RBFOX1: variants seen among roughly 807,000 people sequenced by gnomAD.
RBFOX1 encodes RNA binding protein fox-1 homolog 1.
Under a neutral mutation model 57.7 loss-of-function variants are expected in RBFOX1, and 8 were observed. The observed-to-expected ratio is 0.14, with a 90% CI of 0.08 to 0.25. RBFOX1 has a LOEUF of 0.25. RBFOX1 is among the 10% of genes least tolerant of loss of function. RBFOX1 has a pLI of 1.00. For missense variants in RBFOX1, 611 were observed against 548.5 expected (o/e 1.11, Z -1.14); for synonymous variants, 326 against 222.4 (o/e 1.47, Z -4.15).
intron 4 of RBFOX1, among the ~76,000 whole-genome samples, chr16:5,952,810 C>T (rs1478372244): frequency 6.6e-6 from 1 of 152,114 alleles, no homozygotes; most frequent in Admixed American, 6.5e-5. Flanking sequence ...GACAAGGCCT[C>T]CCATACTGAC....
intron 3 of RBFOX1, among the ~76,000 whole-genome samples, chr16:6,893,396 C>T (rs1049921280): frequency 2.6e-5 from 4 of 152,202 alleles, no homozygotes; most frequent in Admixed American, 1.3e-4. Context: ...CTTTCTTTAT[C>T]CCTGTACCAT....
chr16:5,657,732 C>CTT (rs71386513), intron 3 of RBFOX1, among the ~76,000 whole-genome samples: 14,143 of 98,236 alleles, frequency 0.14, 2,639 homozygotes, highest in Non-Finnish European at 0.17. Context: ...TGTTTCTTTT[C>CTT]TTTTCTTTTT....
At chr16:7,194,269 G>C (rs934930861) in intron 4 of RBFOX1, among the ~76,000 whole-genome samples, 2 of 152,132 alleles carry the variant, frequency 1.3e-5, no homozygotes, top group Non-Finnish European at 2.9e-5. Context: ...TGATTGCACT[G>C]TATTTATTTT....
chr16:6,641,778 A>AAAAAAAAAAG lies in RBFOX1; in HGVS notation c.-63-12825_-63-12824insAAAAAAAAAG, dbSNP rs1568006199. 3.1e-4 allele frequency among the ~76,000 whole-genome samples: 10 copies of AAAAAAAAAAG among 31,784 alleles called. 1 individual carries two copies. The highest frequency in any genetic ancestry group is 4.8e-4 in the African/African-American group (4 of 8,358). 20.9% of individuals were successfully genotyped at this position (31,784 alleles called of 152,430 possible). On this transcript the variant is annotated intron_variant, in intron 2 of 15. Coordinates refer to ENST00000550418, the MANE Select transcript of RBFOX1 (RefSeq NM_018723.4). Reference sequence around the variant, plus strand: ...AAAAAAAAAAAAAAAAAAAAAAAAAATAGGTTCTGCCCTGAGCCTTTCAGG... The same window carrying AAAAAAAAAAG: ...AAAAAAAAAAAAAAAAAAAAAAAAAAAAAAAAAAAGTAGGTTCTGCCCTGAGCCTTTCAGG...
At chr16:5,846,247 G>A (rs751543533) in intron 3 of RBFOX1, among the ~76,000 whole-genome samples, 36 of 152,016 alleles carry the variant, frequency 2.4e-4, no homozygotes, top group Non-Finnish European at 3.2e-4. Context: ...GTGACTCATG[G>A]TGGAGGCCCA....
At chr16:6,307,443 A>T (rs2079649142) in intron 1 of RBFOX1, among the ~76,000 whole-genome samples, 1 of 151,750 alleles carries the variant, frequency 6.6e-6, no homozygotes, top group East Asian at 1.9e-4. Flanking sequence ...TGGATAAGAA[A>T]TAAATTATTT....
At chr16:7,687,640 T>G (rs1427868358) in intron 14 of RBFOX1, among the ~76,000 whole-genome samples, 2 of 152,214 alleles carry the variant, frequency 1.3e-5, no homozygotes, top group South Asian at 2.1e-4. Context: ...AAACTGATTA[T>G]TGTGACTTTC....
chr16:6,790,948 C>T (rs1283318625), intron 3 of RBFOX1, among the ~76,000 whole-genome samples: 1 of 151,856 alleles, frequency 6.6e-6, no homozygotes, highest in African/African-American at 2.4e-5. Flanking sequence ...CTGTGTCACC[C>T]AGGTTGGAGT....
intron 4 of RBFOX1, among the ~76,000 whole-genome samples, chr16:7,087,893 T>G (rs1377060080): frequency 6.6e-6 from 1 of 152,200 alleles, no homozygotes; most frequent in East Asian, 1.9e-4. Context: ...TCTCTCTTTC[T>G]CTTTCTCTCT....
intron 4 of RBFOX1, among the ~76,000 whole-genome samples, chr16:7,052,611 T>G (rs1265224435): frequency 1.3e-5 from 2 of 152,132 alleles, no homozygotes; most frequent in Non-Finnish European, 2.9e-5. Context: ...ATTTTAAACC[T>G]TATATTCTGT....
chr16:5,487,103 G>C (rs1031657063), intron 2 of RBFOX1, among the ~76,000 whole-genome samples: 1 of 151,644 alleles, frequency 6.6e-6, no homozygotes, highest in Non-Finnish European at 1.5e-5. Flanking sequence ...ATTTCCTCAG[G>C]CAAGCCCTCC....
intron 4 of RBFOX1, among the ~76,000 whole-genome samples, chr16:7,069,239 A>C (rs1039741175): frequency 2.0e-5 from 3 of 152,128 alleles, no homozygotes; most frequent in African/African-American, 7.2e-5. Context: ...CAGGATGTGC[A>C]GGTTTGTTAC....
intron 4 of RBFOX1, among the ~76,000 whole-genome samples, chr16:7,327,505 C>G (rs2096626592): frequency 1.3e-5 from 2 of 152,128 alleles, no homozygotes; most frequent in African/African-American, 2.4e-5. Flanking sequence ...TAAACATTGT[C>G]AATATCCAAA....
chr16:6,018,938 C>A (rs1256518588), upstream of RBFOX1, among the ~76,000 whole-genome samples: 4 of 151,866 alleles, frequency 2.6e-5, no homozygotes, highest in Admixed American at 1.3e-4. Context: ...GCCGCCGCCG[C>A]CCGCTGGAAT....
chr16:5,484,841 G>A (rs1318829645), intron 2 of RBFOX1, among the ~76,000 whole-genome samples: 1 of 151,534 alleles, frequency 6.6e-6, no homozygotes, highest in Non-Finnish European at 1.5e-5. Flanking sequence ...GAACCAGGGA[G>A]CCAGAGATCG....
At chr16:6,239,586 C>T (rs1280870059) in intron 1 of RBFOX1, among the ~76,000 whole-genome samples, 1 of 147,724 alleles carries the variant, frequency 6.8e-6, no homozygotes, top group East Asian at 2.1e-4. Flanking sequence ...GCATCCTCCG[C>T]CACCTGGTTC....
chr16:7,557,619 CA>C (rs1170051114), intron 5 of RBFOX1, among the ~76,000 whole-genome samples: 1,262 of 40,724 alleles, frequency 0.031, 8 homozygotes, highest in South Asian at 0.21. Context: ...GACTCTGTCT[CA>C]AAAAAAAAAA....
chr16:6,655,777 C>T (rs1396177564), intron 3 of RBFOX1, among the ~76,000 whole-genome samples: 1 of 152,130 alleles, frequency 6.6e-6, no homozygotes, highest in African/African-American at 2.4e-5. Flanking sequence ...GATGTTTCTC[C>T]TTTCAAGTGT....
intron 4 of RBFOX1, among the ~76,000 whole-genome samples, chr16:7,469,856 C>T (rs533837163): frequency 2.8e-4 from 42 of 152,266 alleles, no homozygotes; most frequent in Admixed American, 1.0e-3. Context: ...TGCTCGCAGC[C>T]CCTGGCTACT....
Sources: allele counts gnomAD v4.1 joint callset (sites outside exome capture counted in the v4.1 genomes callset), GRCh38; gene constraint gnomAD v4.1.1; transcripts MANE v1.5; gene names NCBI Gene and HGNC (gene_info 2026-07-23, HGNC 2026-07-21).